ADGRE3: variants seen among roughly 807,000 people sequenced by gnomAD.
ADGRE3 encodes the protein adhesion G protein-coupled receptor E3.
ADGRE3 carries 88 observed loss-of-function variants against 80.1 expected under a neutral mutation model. The observed-to-expected ratio is 1.10, with a 90% CI of 0.93 to 1.31. ADGRE3 has a LOEUF of 1.31. ADGRE3 is among the 40% of genes most tolerant of loss of function. The pLI is 0.00. For missense variants in ADGRE3, 715 were observed against 776.5 expected (o/e 0.92, Z 0.94); for synonymous variants, 281 against 294.8 (o/e 0.95, Z 0.48).
At chr19:14,657,972 C>T (rs1382404924) in intron 5 of ADGRE3, among the ~76,000 whole-genome samples, 2 of 151,972 alleles carry the variant, frequency 1.3e-5, no homozygotes, top group East Asian at 1.9e-4. Flanking sequence ...ACCATGTTGG[C>T]CAGGCTGGTC....
the ADGRE3 span, among the ~76,000 whole-genome samples, chr19:14,613,507 G>A: frequency 3.3e-5 from 5 of 151,496 alleles, no homozygotes; most frequent in Admixed American, 2.6e-4. Context: ...CAAGGATTGC[G>A]ATCAATTTAT....
the ADGRE3 span, among the ~76,000 whole-genome samples, chr19:14,611,692 C>T: frequency 6.6e-6 from 1 of 152,214 alleles, no homozygotes; most frequent in Non-Finnish European, 1.5e-5. Context: ...TGGGTTGTAA[C>T]GTCTTTGATG....
At chr19:14,620,397 T>TGAATATATATGTATATTCATGTATAC (rs1568470918) in intron 15 of ADGRE3, among the ~76,000 whole-genome samples, 1 of 121,422 alleles carries the variant, frequency 8.2e-6, no homozygotes, top group African/African-American at 3.2e-5. Flanking sequence ...TACATGTATA[T>TGAATATATATGTATATTCATGTATAC]ATGAATATAT....
chr19:14,635,497 C>A (rs1173935003), intron 11 of ADGRE3, among the ~76,000 whole-genome samples: 2 of 151,504 alleles, frequency 1.3e-5, no homozygotes, highest in Non-Finnish European at 2.9e-5. Flanking sequence ...CTGCAACCTC[C>A]ACCTCCCGGG....
chr19:14,663,293 G>T, intron 3 of ADGRE3, 125 bp downstream of exon 3: 1 of 439,566 alleles, frequency 2.3e-6, no homozygotes, highest in Non-Finnish European at 3.3e-6. Flanking sequence ...TTGAGCAACT[G>T]TGTCCAGCTT....
intron 11 of ADGRE3, among the ~76,000 whole-genome samples, chr19:14,636,003 CTCTTT>C (rs1568480823): frequency 0.1 from 6,441 of 62,724 alleles, 655 homozygotes; most frequent in Non-Finnish European, 0.11. Flanking sequence ...CTCTCTCTTT[CTCTTT>C]CTTTCTTCCT....
intron 1 of ADGRE3, among the ~76,000 whole-genome samples, 178 bp downstream of exon 1, chr19:14,674,568 G>A (rs1168608540): frequency 2.0e-5 from 3 of 152,074 alleles, no homozygotes; most frequent in Non-Finnish European, 2.9e-5. Context: ...GAACATTTTA[G>A]GGATATTCGA....
intron 13 of ADGRE3, among the ~76,000 whole-genome samples, chr19:14,631,381 T>C (rs1350756729): frequency 6.6e-6 from 1 of 151,112 alleles, no homozygotes; most frequent in Non-Finnish European, 1.5e-5. Flanking sequence ...ATAAAAATAA[T>C]AATAAAAAAT....
intron 14 of ADGRE3, among the ~76,000 whole-genome samples, chr19:14,628,340 G>A (rs1248957404): frequency 7.0e-6 from 1 of 143,452 alleles, no homozygotes; most frequent in East Asian, 1.9e-4. Context: ...TACTCGGGAG[G>A]TGGAGGCCGA....
chr19:14,668,771 C>A lies in ADGRE3; in HGVS notation c.76+31G>T, dbSNP rs765041191. The A allele has an allele frequency of 2.5e-6, 4 of 1,608,336 alleles. No homozygotes were observed. The South Asian group carries it at 4.4e-5, about 18-fold the overall frequency. ...GGCTCCAGGTCCAGCCCTTGGTCCA[C>A]AAGTTCTCTGTTCTGGCTCTGAGCA... On this transcript the variant is annotated intron_variant, in intron 2 of 15. Transcript: ENST00000253673.
chr19:14,607,548 T>A, the ADGRE3 span, among the ~76,000 whole-genome samples: 1 of 123,822 alleles, frequency 8.1e-6, no homozygotes, highest in African/African-American at 4.3e-5. Context: ...TTATTTTATT[T>A]TATTATTTAT....
intron 6 of ADGRE3, among the ~76,000 whole-genome samples, chr19:14,654,261 G>GT (rs35198087): frequency 0.029 from 3,841 of 134,210 alleles, 75 homozygotes; most frequent in East Asian, 0.041. Context: ...CCCAAAACCT[G>GT]TTTTTTTTTT....
At chr19:14,672,004 C>T (rs1972271058) in intron 1 of ADGRE3, among the ~76,000 whole-genome samples, 1 of 152,144 alleles carries the variant, frequency 6.6e-6, no homozygotes, top group Non-Finnish European at 1.5e-5. Flanking sequence ...CCTTCTGTGG[C>T]CTCCCAAAGT....
intron 6 of ADGRE3, among the ~76,000 whole-genome samples, chr19:14,651,806 C>A (rs1302292151): frequency 6.6e-6 from 1 of 152,056 alleles, no homozygotes. Context: ...CTTTGGGAGG[C>A]CATGGCAGGT....
intron 11 of ADGRE3, among the ~76,000 whole-genome samples, chr19:14,634,667 C>T (rs904625247): frequency 1.3e-5 from 2 of 152,096 alleles, no homozygotes; most frequent in Admixed American, 6.6e-5. Flanking sequence ...ATTCTCATCT[C>T]GCTAATGAGG....
At chr19:14,602,758 T>G in the ADGRE3 span, among the ~76,000 whole-genome samples, 2 of 151,592 alleles carry the variant, frequency 1.3e-5, no homozygotes, top group African/African-American at 4.8e-5. Context: ...TTTTTTGAGA[T>G]GGAGTCTTGC....
At chr19:14,607,035 C>T in the ADGRE3 span, 2 of 1,340,988 alleles carry the variant, frequency 1.5e-6, no homozygotes, top group Admixed American at 3.1e-5. Context: ...GGTGTACTGG[C>T]TGGGGCTGAA....
intron 10 of ADGRE3, 144 bp from the exon 11 acceptor site, chr19:14,638,484 T>C: frequency 1.6e-6 from 1 of 623,324 alleles, no homozygotes; most frequent in Non-Finnish European, 2.9e-6. Flanking sequence ...ATGCAGTGGC[T>C]CATGTCTGTA....
chr19:14,662,274 A>G (rs1049312169), intron 3 of ADGRE3, among the ~76,000 whole-genome samples, 156 bp from the exon 4 acceptor site: 1 of 152,042 alleles, frequency 6.6e-6, no homozygotes, highest in Admixed American at 6.6e-5. Context: ...CGCTTTCTTC[A>G]TTGACTTTGG....
Sources: gnomAD v4.1 joint callset for allele counts (sites outside exome capture counted in the v4.1 genomes callset) on GRCh38, gnomAD v4.1.1 for gene constraint, MANE v1.5 for transcripts, NCBI Gene and HGNC (gene_info 2026-07-23, HGNC 2026-07-21) for gene names.